Variants in DPP6 observed in about 807,000 individuals in gnomAD.
DPP6 encodes the protein A-type potassium channel modulatory protein DPP6.
In DPP6, 69 loss-of-function variants were observed where a neutral mutation model predicts 122.6. That is an observed-to-expected ratio of 0.56 (90% CI 0.46 to 0.69). DPP6 has a LOEUF of 0.69. Among genes scored for constraint, DPP6 ranks in the 30% least tolerant of loss-of-function variants. The probability of loss-of-function intolerance (pLI) is 0.00; values close to 1 mark genes in which losing one functional copy is unlikely to be tolerated. For missense variants in DPP6, 928 were observed against 1,116.9 expected (o/e 0.83, Z 2.41); for synonymous variants, 418 against 433.1 (o/e 0.97, Z 0.43).
intron 1 of DPP6, among the ~76,000 whole-genome samples, chr7:154,174,625 CT>C (rs559192661): frequency 6.4e-4 from 98 of 152,332 alleles, no homozygotes; most frequent in African/African-American, 2.0e-3. Flanking sequence ...TTAGAATTTT[CT>C]TTTTATCACC....
At chr7:154,482,274 C>T (rs902554464) in intron 3 of DPP6, among the ~76,000 whole-genome samples, 1 of 151,624 alleles carries the variant, frequency 6.6e-6, no homozygotes, top group Non-Finnish European at 1.5e-5. Flanking sequence ...GGGACCAACA[C>T]CTACAGGCTC....
intron 1 of DPP6, among the ~76,000 whole-genome samples, chr7:154,108,637 C>T (rs1035726231): frequency 6.6e-6 from 1 of 152,194 alleles, no homozygotes; most frequent in African/African-American, 2.4e-5. Flanking sequence ...GTAACAAACA[C>T]AGGCTGCAGA....
rs566031611 is a variant in DPP6, at chr7:154,361,888, G to A, written c.244-84326G>A. ...CTTGCCCAAAGTCATAGAGGGTATC[G>A]ACTTATCGACTGCACTGCTGAGTTT... On this transcript the variant is annotated intron_variant, in intron 1 of 25. Coordinates refer to ENST00000377770, the MANE Select transcript of DPP6 (RefSeq NM_130797.4). Among the ~76,000 whole-genome samples, 29 of 152,326 alleles carry A rather than the reference G, an allele frequency of 1.9e-4. No individual in the cohort carries two copies. The South Asian group carries it at 4.3e-3, about 23-fold the overall frequency.
intron 4 of DPP6, among the ~76,000 whole-genome samples, chr7:154,557,673 T>C (rs185825192): frequency 6.6e-6 from 1 of 152,078 alleles, no homozygotes; most frequent in African/African-American, 2.4e-5. Context: ...TTTTCATGTA[T>C]TGGACAGCAG....
In DPP6 at chr7:154,252,235, T is replaced by TGTGC. The variant is rs60245069; in HGVS notation, c.244-193978_244-193977insTGCG. ...TCACGTGTGTGTGTGTGTGTGTGTGTGCGCGCATGCGCACGGTGGTGGTGG... is the reference window on the plus strand; with the variant it reads ...TCACGTGTGTGTGTGTGTGTGTGTGTGTGCGCGCGCATGCGCACGGTGGTGGTGG... On this transcript the variant is annotated intron_variant, in intron 1 of 25. Transcript: ENST00000377770. Among the ~76,000 whole-genome samples, 1,312 of 149,442 alleles carry TGTGC rather than the reference T, an allele frequency of 8.8e-3. 32 individuals carry two copies. The highest frequency in any genetic ancestry group is 0.032 in the African/African-American group (1,242 of 39,294).
At chr7:153,968,673 C>T (rs1404485240) in intron 1 of DPP6, 1 of 151,808 alleles carries the variant, frequency 6.6e-6, no homozygotes, top group Non-Finnish European at 1.5e-5. Flanking sequence ...ACCACCACTC[C>T]ATCATACTCT....
intron 3 of DPP6, among the ~76,000 whole-genome samples, chr7:154,487,049 G>A (rs61212533): frequency 0.054 from 8,226 of 152,124 alleles, 722 homozygotes; most frequent in African/African-American, 0.18. Context: ...TTCCATCTTT[G>A]TTGACTCCAG....
At chr7:153,837,665 T>C in the DPP6 span, among the ~76,000 whole-genome samples, 16 of 152,104 alleles carry the variant, frequency 1.1e-4, 1 homozygote, top group Admixed American at 9.2e-4. Flanking sequence ...CAATGCCCTT[T>C]TCCAGATCTT....
chr7:154,068,071 T>G (rs1306613375), intron 1 of DPP6, among the ~76,000 whole-genome samples: 1 of 151,756 alleles, frequency 6.6e-6, no homozygotes, highest in Non-Finnish European at 1.5e-5. Context: ...AAGAGACTCG[T>G]TTGAAGTTGA....
chr7:154,122,453 A>G (rs1010213), intron 1 of DPP6, among the ~76,000 whole-genome samples: 59,849 of 149,678 alleles, frequency 0.4, 12,279 homozygotes, highest in Non-Finnish European at 0.5. Context: ...CCTCCCATCT[A>G]TTATATAAAA....
chr7:154,441,862 G>T (rs1477390183), intron 1 of DPP6, among the ~76,000 whole-genome samples: 1 of 151,914 alleles, frequency 6.6e-6, no homozygotes, highest in Non-Finnish European at 1.5e-5. Flanking sequence ...AATAACATTG[G>T]ATAAAGGTGA....
intron 2 of DPP6, among the ~76,000 whole-genome samples, chr7:154,470,504 C>T (rs565403999): frequency 2.0e-5 from 3 of 152,102 alleles, no homozygotes; most frequent in Admixed American, 1.3e-4. Context: ...CAGCTATGCT[C>T]GGGTGATGGG....
At chr7:153,908,292 A>T (rs1221751439) in intron 1 of DPP6, among the ~76,000 whole-genome samples, 1 of 152,148 alleles carries the variant, frequency 6.6e-6, no homozygotes, top group Non-Finnish European at 1.5e-5. Flanking sequence ...AAATGTGTTC[A>T]TCCCACAGAG....
At chr7:154,720,422 T>C (rs1841738624) in intron 7 of DPP6, among the ~76,000 whole-genome samples, 1 of 152,260 alleles carries the variant, frequency 6.6e-6, no homozygotes, top group Admixed American at 6.5e-5. Context: ...CTGGGCCTTA[T>C]GTACATCTCA....
intron 1 of DPP6, among the ~76,000 whole-genome samples, chr7:153,890,464 A>G (rs1340580215): frequency 6.6e-6 from 1 of 152,194 alleles, no homozygotes; most frequent in Non-Finnish European, 1.5e-5. Flanking sequence ...TGGTGACAAT[A>G]GCCTCCCGGC....
intron 1 of DPP6, among the ~76,000 whole-genome samples, chr7:154,410,779 G>T (rs1816529525): frequency 6.6e-6 from 1 of 152,148 alleles, no homozygotes; most frequent in African/African-American, 2.4e-5. Context: ...CCCTTTTAAA[G>T]AATTAAATTT....
At chr7:154,494,501 A>G (rs1824554723) in intron 3 of DPP6, among the ~76,000 whole-genome samples, 1 of 151,422 alleles carries the variant, frequency 6.6e-6, no homozygotes, top group Non-Finnish European at 1.5e-5. Flanking sequence ...CACACAAATG[A>G]TCTCAGCATC....
rs78379458 is a variant in DPP6 at position 154,707,120 on chromosome 7, G to A, written c.763-20647G>A. ...GGTTTTTGAAGGAAAGGGCAGAGGG[G>A]AAAAGTGGTAAAGTGAGGGAACTAC... is the stretch of plus-strand genomic sequence containing the variant. On this transcript the variant is annotated intron_variant, in intron 7 of 25. Transcript: ENST00000377770. Among the ~76,000 whole-genome samples the A allele has an allele frequency of 7.2e-3, 1,092 of 152,330 alleles. 5 individuals are homozygous for A. The highest frequency in any genetic ancestry group is 0.012 in the Non-Finnish European group (802 of 68,024).
At chr7:154,289,457 AG>A (rs1442272701) in intron 1 of DPP6, among the ~76,000 whole-genome samples, 1 of 152,194 alleles carries the variant, frequency 6.6e-6, no homozygotes, top group Non-Finnish European at 1.5e-5. Flanking sequence ...CAGAAGGACT[AG>A]GACCCACTCA....
Sources: gnomAD v4.1 joint callset for allele counts (sites outside exome capture counted in the v4.1 genomes callset) on GRCh38, gnomAD v4.1.1 for gene constraint, MANE v1.5 for transcripts, NCBI Gene and HGNC (gene_info 2026-07-23, HGNC 2026-07-21) for gene names.